Variants in EBF3 observed in about 807,000 individuals in gnomAD.
EBF3 encodes EBF transcription factor 3.
In EBF3, 18 loss-of-function variants were observed where a neutral mutation model predicts 77.1. The ratio of observed to expected loss-of-function variants is 0.23; its 90% CI spans 0.16 to 0.35. EBF3 has a LOEUF of 0.35. Among genes scored for constraint, EBF3 ranks in the 10% least tolerant of loss-of-function variants. The pLI is 1.00. For synonymous variants in EBF3, 350 were observed against 343.5 expected, an observed-to-expected ratio of 1.02 and a Z score of -0.21; for missense variants, 558 against 860.0, an observed-to-expected ratio of 0.65 and a Z score of 4.39.
intron 6 of EBF3, among the ~76,000 whole-genome samples, chr10:129,896,518 G>A (rs1854392456): frequency 6.6e-6 from 1 of 152,242 alleles, no homozygotes; most frequent in Non-Finnish European, 1.5e-5. Flanking sequence ...CGTGGGCCGG[G>A]TGTGGGGGTG....
At chr10:129,921,028 T>C (rs1350821197) in intron 6 of EBF3, among the ~76,000 whole-genome samples, 2 of 152,140 alleles carry the variant, frequency 1.3e-5, no homozygotes, top group Non-Finnish European at 2.9e-5. Flanking sequence ...AGAAGCTGCC[T>C]TGTGATCTCT....
rs1177678291 is a variant in EBF3, at chr10:129,944,883, G to C, written c.554+12375C>G. On this transcript the variant is annotated intron_variant, in intron 6 of 16. Coordinates refer to ENST00000440978, the MANE Select transcript of EBF3 (RefSeq NM_001375380.1). The surrounding 1 kb of genome is among the most constrained non-coding windows in gnomAD (Gnocchi z 5.1). Reference sequence around the variant, plus strand: ...TATAGAATATGTACGAAAATGTCAGGAGAACTGGGCATTTAAAGCTTGATT... The same window carrying C: ...TATAGAATATGTACGAAAATGTCAGCAGAACTGGGCATTTAAAGCTTGATT... Among the ~76,000 whole-genome samples the C allele has an allele frequency of 6.6e-6, 1 of 151,218 alleles. No individual in the cohort carries two copies. Among genetic ancestry groups the C allele is most frequent in the Admixed American group, 6.6e-5 (1 of 15,176 alleles).
At position 129,840,275 on chromosome 10, in the gene EBF3, A is replaced by G. The variant is rs1849929469; in HGVS notation, c.1729T>C (p.Cys577Arg). 2 of 1,586,992 alleles carry G rather than the reference A, an allele frequency of 1.3e-6. No individual in the cohort carries two copies. Among genetic ancestry groups the G allele is most frequent in the Non-Finnish European group, 1.7e-6 (2 of 1,166,404 alleles). The change falls in exon 15 of 17, where the codon TGC becomes CGC. Residue 577 changes from cysteine (C) to arginine (R), a missense_variant. Cys to Arg is a radical substitution (Grantham distance 180, BLOSUM62 -3). This residue lies in a region of EBF3 where 284 missense variants were observed against 368.3 expected (regional missense o/e 0.77). Coordinates refer to ENST00000440978, the MANE Select transcript of EBF3 (RefSeq NM_001375380.1). The stretch of plus-strand genomic sequence containing the variant: ...AGTCCATTCCCGTTGGCGCTGGTGC[A>G]GGAAGGAGGAGGAGAGGCTTGGGGC... ...VRPQASPPPS[C>R]TSANGNGLQG...
In EBF3 at chr10:129,963,939, C is replaced by T; in HGVS notation, c.-171G>A. The T allele has an allele frequency of 9.5e-7, 1 of 1,056,416 alleles. No individual in the cohort carries two copies. The highest frequency in any genetic ancestry group is 1.1e-6 in the Non-Finnish European group (1 of 877,870). 65.4% of individuals were successfully genotyped at this position (1,056,416 alleles called of 1,614,324 possible). Reference sequence around the variant, plus strand: ...CCCGGGCAGGCGCGACATACACCAGCGGCCGGGCGCTCCGGACGGCCAGGG... The same window carrying T: ...CCCGGGCAGGCGCGACATACACCAGTGGCCGGGCGCTCCGGACGGCCAGGG... On this transcript the variant is annotated 5_prime_UTR_variant, in exon 1 of 17. Coordinates refer to ENST00000440978, the MANE Select transcript of EBF3 (RefSeq NM_001375380.1). This position sits in a 1 kb window ranked among gnomAD's most constrained non-coding sequence, Gnocchi z 7.1.
Position 129,955,398 on chromosome 10 carries a change from T to C in EBF3, c.554+1860A>G, listed in dbSNP as rs1416338617. 2.6e-5 allele frequency among the ~76,000 whole-genome samples: 4 copies of C among 152,308 alleles called. No individual in the cohort carries two copies. The South Asian group carries it at 6.2e-4, about 24-fold the overall frequency. ...ATCCTCCTTATTCAAATAAACATGGTAAACCCATTAACCAAATGTTTTTAC... is the reference window on the plus strand; with the variant it reads ...ATCCTCCTTATTCAAATAAACATGGCAAACCCATTAACCAAATGTTTTTAC... On this transcript the variant is annotated intron_variant, in intron 6 of 16. Coordinates refer to ENST00000440978, the MANE Select transcript of EBF3 (RefSeq NM_001375380.1).
chr10:129,917,648 C>A (rs1459099225), intron 6 of EBF3, among the ~76,000 whole-genome samples: 2 of 13,156 alleles, frequency 1.5e-4, no homozygotes, highest in African/African-American at 3.1e-4. Flanking sequence ...CAAGACCCTG[C>A]CTCAAAAAAA....
At chr10:129,951,639 G>A (rs1175821105) in intron 6 of EBF3, among the ~76,000 whole-genome samples, 5 of 152,248 alleles carry the variant, frequency 3.3e-5, no homozygotes, top group African/African-American at 1.2e-4. Context: ...CATAAATCTC[G>A]CAGGCCTCCT....
At chr10:129,867,308 G>T in intron 9 of EBF3, 41 bp from the exon 10 acceptor site, 2 of 1,609,418 alleles carry the variant, frequency 1.2e-6, no homozygotes, top group Non-Finnish European at 1.7e-6. Flanking sequence ...AGCGGCGCTG[G>T]CTATGAGAGG....
At chr10:129,838,008 C>T (rs1294235330) in intron 16 of EBF3, 48 bp from the exon 17 acceptor site, 2 of 1,613,030 alleles carry the variant, frequency 1.2e-6, no homozygotes. Flanking sequence ...CCCCACGCGC[C>T]CTCCCGCCAA....
chr10:129,920,711 G>C (rs1446688272), intron 6 of EBF3, among the ~76,000 whole-genome samples: 2 of 152,246 alleles, frequency 1.3e-5, no homozygotes, highest in Non-Finnish European at 2.9e-5. Context: ...CATCTCACAT[G>C]AAAGTTGTGG....
chr10:129,895,720 T>C (rs1854324464), intron 6 of EBF3, among the ~76,000 whole-genome samples: 1 of 152,184 alleles, frequency 6.6e-6, no homozygotes, highest in Admixed American at 6.5e-5. Context: ...CAAATAAACT[T>C]GTATCGATAC....
Position 129,842,348 on chromosome 10 carries a change from C to G in EBF3, c.1195-55G>C, listed in dbSNP as rs1850131350. Reference sequence around the variant, plus strand: ...GTCACCCCAGGCCCGGCCCAGCTGGCCGCACTCTCGGGGGCCCACCATGGT... The same window carrying G: ...GTCACCCCAGGCCCGGCCCAGCTGGGCGCACTCTCGGGGGCCCACCATGGT... On this transcript the variant is annotated intron_variant, in intron 12 of 16. Coordinates refer to ENST00000440978, the MANE Select transcript of EBF3 (RefSeq NM_001375380.1). This position sits in a 1 kb window ranked among gnomAD's most constrained non-coding sequence, Gnocchi z 4.4. 6.5e-7 allele frequency: 1 copy of G among 1,528,912 alleles called. No individual in the cohort carries two copies. Among genetic ancestry groups the G allele is most frequent in the Middle Eastern group, 2.2e-4 (1 of 4,470 alleles). The allele number at this position is 1,528,912 out of a possible 1,614,324, so 94.7% of individuals were successfully genotyped here.
chr10:129,845,424 A>T (rs1850381683), intron 11 of EBF3: 4 of 152,254 alleles, frequency 2.6e-5, no homozygotes, highest in African/African-American at 9.6e-5. Context: ...TTGTTTCATG[A>T]CAAATGTACA....
intron 6 of EBF3, among the ~76,000 whole-genome samples, chr10:129,884,383 C>A (rs1853424271): frequency 6.6e-6 from 1 of 152,194 alleles, no homozygotes; most frequent in African/African-American, 2.4e-5. Flanking sequence ...ATGCGAGGGT[C>A]TTAATGTCAG....
Position 129,962,992 on chromosome 10 carries a change from T to G in EBF3, c.305A>C (p.Glu102Ala), listed in dbSNP as rs1368124632. ...FVEKEKEPNN[E>A]KTNNGIHYKL... The stretch of plus-strand genomic sequence containing the variant: ...ATAGTGGATGCCGTTGTTGGTTTTC[T>G]CGTTGTTTGGCTCCTGAAAGTAACG... The change falls in exon 3 of 17, where the codon GAG becomes GCG. Residue 102 changes from glutamate (E) to alanine (A), a missense_variant. Coordinates refer to ENST00000440978, the MANE Select transcript of EBF3 (RefSeq NM_001375380.1). 2.5e-6 allele frequency: 4 copies of G among 1,614,172 alleles called. No homozygotes were observed. The highest frequency in any genetic ancestry group is 2.5e-6 in the Non-Finnish European group (3 of 1,180,012).
At chr10:129,866,825 G>A (rs187012992) in intron 10 of EBF3, among the ~76,000 whole-genome samples, 227 of 152,310 alleles carry the variant, frequency 1.5e-3, no homozygotes, top group African/African-American at 5.1e-3. Flanking sequence ...GGCAGCTGCC[G>A]CAGTGGTAGC....
rs144542373 is a variant in EBF3 at position 129,935,810 on chromosome 10, G to T, written c.554+21448C>A. 9.5e-4 allele frequency among the ~76,000 whole-genome samples: 144 copies of T among 152,336 alleles called. 1 individual carries two copies. The highest frequency in any genetic ancestry group is 4.0e-3 in the Admixed American group (61 of 15,308). On this transcript the variant is annotated intron_variant, in intron 6 of 16. Coordinates refer to ENST00000440978, the MANE Select transcript of EBF3 (RefSeq NM_001375380.1). The surrounding 1 kb of genome is among the most constrained non-coding windows in gnomAD (Gnocchi z 4.2). ...CACCGGGGCCTCAGGCAAAGCCAAGGGCATAGAATGTGGGCTGGGGACAGG... is the reference window on the plus strand; with the variant it reads ...CACCGGGGCCTCAGGCAAAGCCAAGTGCATAGAATGTGGGCTGGGGACAGG...
intron 10 of EBF3, among the ~76,000 whole-genome samples, chr10:129,860,541 C>T (rs1338546759): frequency 6.6e-6 from 1 of 152,152 alleles, no homozygotes; most frequent in African/African-American, 2.4e-5. Flanking sequence ...TAGCGTGGCC[C>T]CGATGAGAGC....
rs1199893977 is a variant in EBF3 at position 129,870,561 on chromosome 10, T to C, written c.782-2649A>G. 6.6e-6 allele frequency among the ~76,000 whole-genome samples: 1 copy of C among 152,116 alleles called. No individual in the cohort carries two copies. The highest frequency in any genetic ancestry group is 1.5e-5 in the Non-Finnish European group (1 of 68,016). On this transcript the variant is annotated intron_variant, in intron 8 of 16. Coordinates refer to ENST00000440978, the MANE Select transcript of EBF3 (RefSeq NM_001375380.1). This position sits in a 1 kb window ranked among gnomAD's most constrained non-coding sequence, Gnocchi z 4.4. Reference sequence around the variant, plus strand: ...GCGAGTCTCCCCTGCGGATCTGACATGCGCCACCATGACCTGTTTTTAACT... The same window carrying C: ...GCGAGTCTCCCCTGCGGATCTGACACGCGCCACCATGACCTGTTTTTAACT...
Sources: gnomAD v4.1 joint callset for allele counts (sites outside exome capture counted in the v4.1 genomes callset) on GRCh38, gnomAD v4.1.1 for gene constraint, gnomAD v4.1.1 regional missense constraint, Gnocchi (gnomAD v3.1) non-coding constraint, MANE v1.5 for transcripts, NCBI Gene and HGNC (gene_info 2026-07-23, HGNC 2026-07-21) for gene names.